The following DMXL2 variants were observed in gnomAD, a reference collection of about 807,000 sequenced individuals.
DMXL2 encodes Dmx like 2.
DMXL2 carries 103 observed loss-of-function variants against 331.1 expected under a neutral mutation model. The observed-to-expected ratio is 0.31, with a 90% CI of 0.27 to 0.37. The LOEUF (loss-of-function observed/expected upper bound fraction) is 0.37, where lower values mean the gene tolerates loss of function less well. Ranked by LOEUF, DMXL2 falls within the 10% of genes least tolerant of loss-of-function variation. The pLI is 1.00. For synonymous variants in DMXL2, 1,281 were observed against 1,252.1 expected (o/e 1.02, Z -0.49); for missense variants, 3,171 against 3,642.9 (o/e 0.87, Z 3.33).
At position 51,528,444 on chromosome 15, in the gene DMXL2, T is replaced by C. The variant is rs184853080; in HGVS notation, c.2436+7219A>G. On this transcript the variant is annotated intron_variant, in intron 13 of 43. Transcript: ENST00000560891. ...AATAGCTATACTTATATCAGACAGA[T>C]ATACTGATATCAGTATCATTATTTT... Among the ~76,000 whole-genome samples, 5 of 152,248 alleles carry C rather than the reference T, an allele frequency of 3.3e-5. No individual in the cohort carries two copies. The East Asian group carries it at 7.7e-4, about 23-fold the overall frequency.
intron 8 of DMXL2, among the ~76,000 whole-genome samples, chr15:51,544,454 A>C (rs1367498591): frequency 6.6e-6 from 1 of 152,182 alleles, no homozygotes; most frequent in Non-Finnish European, 1.5e-5. Context: ...TTCCTATAGG[A>C]CCATGAGCCA....
At chr15:51,587,179 T>C (rs1378102116) in intron 1 of DMXL2, among the ~76,000 whole-genome samples, 2 of 152,226 alleles carry the variant, frequency 1.3e-5, no homozygotes, top group Non-Finnish European at 2.9e-5. Context: ...ATAACTTTTT[T>C]TATTATACTT....
intron 1 of DMXL2, among the ~76,000 whole-genome samples, chr15:51,613,160 G>A (rs914739134): frequency 6.6e-6 from 1 of 152,076 alleles, no homozygotes; most frequent in Non-Finnish European, 1.5e-5. Context: ...TCATCACAGG[G>A]TCCTGAGGAG....
intron 6 of DMXL2, among the ~76,000 whole-genome samples, chr15:51,555,485 C>T (rs949803338): frequency 1.3e-5 from 2 of 152,010 alleles, no homozygotes; most frequent in African/African-American, 4.8e-5. Flanking sequence ...CTAGAAGAGC[C>T]CTGGGCACTC....
At position 51,559,271 on chromosome 15, in the gene DMXL2, A is replaced by T. The variant is rs1337040886; in HGVS notation, c.567+4110T>A. ...CAAAAAGCTCATACCCATAATAAAG[A>T]ACTCCTACAAATCAACAAAAGACCA... On this transcript the variant is annotated intron_variant, in intron 6 of 43. Transcript: ENST00000560891. Among the ~76,000 whole-genome samples the T allele has an allele frequency of 4.6e-5, 7 of 152,228 alleles. No homozygotes were observed. The East Asian group carries it at 1.3e-3, about 29-fold the overall frequency.
chr15:51,542,686 A>G (rs1019108941), intron 8 of DMXL2, among the ~76,000 whole-genome samples, 179 bp from the exon 9 acceptor site: 1 of 152,136 alleles, frequency 6.6e-6, no homozygotes, highest in African/African-American at 2.4e-5. Flanking sequence ...AGTTCTTGTA[A>G]ACTTTTAGTT....
Position 51,595,125 on chromosome 15 carries a change from C to A in DMXL2, c.88-18944G>T, listed in dbSNP as rs368925442. Among the ~76,000 whole-genome samples the A allele has an allele frequency of 2.6e-3, 393 of 152,296 alleles. 16 individuals carry two copies. The East Asian group carries it at 0.061, about 24-fold the overall frequency. On this transcript the variant is annotated intron_variant, in intron 1 of 43. Transcript: ENST00000560891. ...GTATTCAATTAGGAAAAGAGGAAGT[C>A]AAATTGTCCCTGTTTGCAGATGACA...
chr15:51,507,045 C>T, intron 16 of DMXL2, 89 bp downstream of exon 16: 1 of 1,071,378 alleles, frequency 9.3e-7, no homozygotes, highest in Non-Finnish European at 1.2e-6. Context: ...TTTAATGGAA[C>T]TTCATTTTAC....
intron 1 of DMXL2, among the ~76,000 whole-genome samples, chr15:51,581,034 C>T (rs1027691171): frequency 6.6e-6 from 1 of 152,126 alleles, no homozygotes; most frequent in African/African-American, 2.4e-5. Context: ...GGTACTATTA[C>T]CACAATAAAG....
At chr15:51,594,609 A>C (rs1173303453) in intron 1 of DMXL2, among the ~76,000 whole-genome samples, 4 of 152,158 alleles carry the variant, frequency 2.6e-5, no homozygotes, top group Admixed American at 6.5e-5. Context: ...GAGACACAAC[A>C]AAAAAAGAGA....
chr15:51,462,230 ATTTTATAC>A (rs905609741), intron 33 of DMXL2, among the ~76,000 whole-genome samples: 3 of 152,206 alleles, frequency 2.0e-5, no homozygotes, highest in Admixed American at 6.5e-5. Context: ...CTGAGAAGCA[ATTTTATAC>A]TTTATCTCGG....
chr15:51,574,072 T>C (rs186330769), intron 2 of DMXL2, among the ~76,000 whole-genome samples: 3 of 152,054 alleles, frequency 2.0e-5, no homozygotes, highest in Admixed American at 6.5e-5. Flanking sequence ...AAAATACCAA[T>C]TGGGACACCA....
chr15:51,604,302 GA>G (rs912657346), intron 1 of DMXL2, among the ~76,000 whole-genome samples: 1,451 of 106,158 alleles, frequency 0.014, 19 homozygotes, highest in African/African-American at 0.043. Context: ...CTGCAATAAG[GA>G]AAAAAAAAAA....
At chr15:51,582,896 T>A (rs1376231934) in intron 1 of DMXL2, among the ~76,000 whole-genome samples, 1 of 151,734 alleles carries the variant, frequency 6.6e-6, no homozygotes, top group African/African-American at 2.4e-5. Context: ...TTCTTACCCC[T>A]CCCCTCCTCA....
intron 13 of DMXL2, among the ~76,000 whole-genome samples, chr15:51,522,147 T>C (rs973526395): frequency 1.3e-5 from 2 of 152,156 alleles, no homozygotes; most frequent in Non-Finnish European, 2.9e-5. Context: ...ATACTTTAAA[T>C]GGAATAAAAA....
At position 51,593,120 on chromosome 15, in the gene DMXL2, A is replaced by C. The variant is rs902645950; in HGVS notation, c.88-16939T>G. Among the ~76,000 whole-genome samples, 10 of 152,230 alleles carry C rather than the reference A, an allele frequency of 6.6e-5. 1 individual carries two copies. The highest frequency in any genetic ancestry group is 5.9e-4 in the Admixed American group (9 of 15,288). On this transcript the variant is annotated intron_variant, in intron 1 of 43. Coordinates refer to ENST00000560891, the MANE Select transcript of DMXL2 (RefSeq NM_001378457.1). Reference sequence around the variant, plus strand: ...CTCCAATTAAAAGACACAGACTGGCAAATTGGATAAAGAGTCAAGACCCAT... The same window carrying C: ...CTCCAATTAAAAGACACAGACTGGCCAATTGGATAAAGAGTCAAGACCCAT...
chr15:51,615,948 G>A (rs1161692435), intron 1 of DMXL2, among the ~76,000 whole-genome samples: 9 of 152,130 alleles, frequency 5.9e-5, no homozygotes, highest in Admixed American at 2.0e-4. Context: ...ACACACTTAC[G>A]ACTTTTTGAG....
rs2043395755 is a variant in DMXL2, at chr15:51,499,094, C to A, written c.4130G>T (p.Gly1377Val). 6.2e-7 allele frequency: 1 copy of A among 1,613,872 alleles called. No individual in the cohort carries two copies. Among genetic ancestry groups the A allele is most frequent in the Admixed American group, 1.7e-5 (1 of 60,000 alleles). ...AGGATCTCTAACTATTGCTACTTCA[C>A]CTGCAATACATTTTACTAAATGAGA... Reference protein sequence around the residue: ...ILSHLVKCIAGEVAIVRDPDA... With the variant: ...ILSHLVKCIAVEVAIVRDPDA... Residue 1377 changes from glycine (G) to valine (V), a missense_variant, in exon 18 of 44, where the codon GGT becomes GTT. Gly to Val is a moderately radical substitution (Grantham distance 109). Around this residue, in one of 7 missense-constraint regions of DMXL2, gnomAD observed 1,674 missense variants for 1,780.2 expected, o/e 0.94. Transcript: ENST00000560891.
At position 51,538,243 on chromosome 15, in the gene DMXL2, C is replaced by T; in HGVS notation, c.1315G>A (p.Glu439Lys). 1 of 1,613,484 alleles carries T rather than the reference C, an allele frequency of 6.2e-7. No homozygotes were observed. Among genetic ancestry groups the T allele is most frequent in the Non-Finnish European group, 8.5e-7 (1 of 1,179,626 alleles). The change falls in exon 10 of 44, where the codon GAA becomes AAA. Residue 439 changes from glutamate (E) to lysine (K), a missense_variant. Glu to Lys is a moderately conservative substitution (Grantham distance 56). Transcript: ENST00000560891. ...EDEEHSQEDR[E>K]RGLHMKLDHD... is the part of the protein sequence containing the mutation. ...TCTAATTTCATATGTAAACCCCGTT[C>T]TCTATCCTCCTGTGAATGTTCCTCA... is the stretch of plus-strand genomic sequence containing the variant.
Sources: gnomAD v4.1 joint callset for allele counts (sites outside exome capture counted in the v4.1 genomes callset) on GRCh38, gnomAD v4.1.1 for gene constraint, gnomAD v4.1.1 regional missense constraint, MANE v1.5 for transcripts, NCBI Gene and HGNC (gene_info 2026-07-23, HGNC 2026-07-21) for gene names.